Variants in C6orf163 observed in about 807,000 individuals in gnomAD.
C6orf163 encodes uncharacterized protein C6orf163.
A neutral mutation model predicts 28.4 loss-of-function variants in C6orf163; 22 were observed. The observed-to-expected ratio is 0.78, with a 90% CI of 0.55 to 1.11. The LOEUF (loss-of-function observed/expected upper bound fraction) is 1.11. C6orf163 is among the 50% of genes least tolerant of loss of function. The pLI is 0.00. For missense variants in C6orf163, 342 were observed against 389.1 expected (o/e 0.88, Z 1.02); for synonymous variants, 110 against 123.6 (o/e 0.89, Z 0.73).
At chr6:87,347,392 A>G (rs1290093136) in intron 1 of C6orf163, 2 of 985,036 alleles carry the variant, frequency 2.0e-6, no homozygotes, top group Non-Finnish European at 1.2e-6. Context: ...AATGGGATTT[A>G]AACATAAAAG....
chr6:87,358,141 G>T (rs1777533541), intron 4 of C6orf163: 1 of 152,178 alleles, frequency 6.6e-6, no homozygotes, highest in South Asian at 2.1e-4. Context: ...CCACTGTTGA[G>T]AATTCTATGC....
intron 4 of C6orf163, among the ~76,000 whole-genome samples, chr6:87,360,058 A>G (rs1353955666): frequency 6.6e-6 from 1 of 152,120 alleles, no homozygotes; most frequent in Non-Finnish European, 1.5e-5. Context: ...TCTACTTGTC[A>G]TGTTCTTCCT....
chr6:87,356,982 G>A (rs915831456), intron 4 of C6orf163: 1 of 154,276 alleles, frequency 6.5e-6, no homozygotes, highest in African/African-American at 2.4e-5. Context: ...TTCTTATTAT[G>A]CAAGTAATAT....
chr6:87,359,569 A>C (rs1377740908), intron 4 of C6orf163, among the ~76,000 whole-genome samples: 1 of 152,242 alleles, frequency 6.6e-6, no homozygotes, highest in African/African-American at 2.4e-5. Context: ...CTATAGTTCT[A>C]ATGAAAAGTA....
chr6:87,356,120 G>T (rs1777498050), intron 3 of C6orf163, 181 bp from the exon 4 acceptor site: 2 of 566,010 alleles, frequency 3.5e-6, no homozygotes, highest in South Asian at 2.5e-5. Flanking sequence ...TACATTTTTG[G>T]TTCACCTAAC....
intron 3 of C6orf163, among the ~76,000 whole-genome samples, chr6:87,353,735 T>C (rs571501104): frequency 6.6e-6 from 1 of 152,320 alleles, no homozygotes; most frequent in Non-Finnish European, 1.5e-5. Context: ...TAAAGGCCTC[T>C]GACTACAAGA....
intron 3 of C6orf163, among the ~76,000 whole-genome samples, chr6:87,351,480 C>G (rs1401461565): frequency 6.6e-6 from 1 of 152,238 alleles, no homozygotes; most frequent in African/African-American, 2.4e-5. Flanking sequence ...GAGCTCCTCC[C>G]CATGAGTCCT....
intron 1 of C6orf163, among the ~76,000 whole-genome samples, chr6:87,345,933 A>T (rs867602178): frequency 1.3e-5 from 2 of 150,428 alleles, no homozygotes; most frequent in African/African-American, 4.9e-5. Context: ...AAAAAAAAAA[A>T]AAAAAAATTT....
At chr6:87,348,592 G>A in intron 1 of C6orf163, 1 of 1,314,638 alleles carries the variant, frequency 7.6e-7, no homozygotes, top group Non-Finnish European at 9.7e-7. Context: ...GGTGTGATGA[G>A]GGGAATGACC....
At chr6:87,356,576 A>G in intron 4 of C6orf163, 73 bp downstream of exon 4, 28 of 1,386,698 alleles carry the variant, frequency 2.0e-5, no homozygotes, top group Non-Finnish European at 2.8e-5. Flanking sequence ...AGATAAGGTT[A>G]CAGTACATAG....
intron 1 of C6orf163, chr6:87,348,340 A>T (rs1009128073): frequency 4.1e-6 from 4 of 987,178 alleles, no homozygotes; most frequent in Non-Finnish European, 4.8e-6. Flanking sequence ...AGCTCACTCC[A>T]TACTGAAGCA....
rs1480376037 is a variant in C6orf163 at position 87,345,137 on chromosome 6, G to A, written c.38G>A (p.Cys13Tyr). Reference protein sequence around the residue: ...RNSDYKNFVCCAVCNKIIPPA... With the variant: ...RNSDYKNFVCYAVCNKIIPPA... ...TCAGATTACAAAAACTTTGTTTGCT[G>A]TGCTGTTTGTAATAAAATAATTCCA... The change falls in exon 1 of 5, where the codon TGT becomes TAT. Residue 13 changes from cysteine (C) to tyrosine (Y), a missense_variant. By Grantham distance (194) the Cys-to-Tyr change is radical (BLOSUM62 -2). Coordinates refer to ENST00000388923, the MANE Select transcript of C6orf163 (RefSeq NM_001010868.3). 6.5e-7 allele frequency: 1 copy of A among 1,535,524 alleles called. No homozygotes were observed. The highest frequency in any genetic ancestry group is 8.7e-7 in the Non-Finnish European group (1 of 1,146,352).
chr6:87,363,150 G>T (rs1175713774), intron 4 of C6orf163, among the ~76,000 whole-genome samples: 2 of 152,052 alleles, frequency 1.3e-5, no homozygotes, highest in Non-Finnish European at 2.9e-5. Flanking sequence ...TCATTAACCT[G>T]CTTGGACATG....
intron 3 of C6orf163, among the ~76,000 whole-genome samples, chr6:87,350,922 A>T (rs1205612141): frequency 6.6e-6 from 1 of 152,170 alleles, no homozygotes; most frequent in African/African-American, 2.4e-5. Context: ...CAATTCCCTG[A>T]CTTAGTAGGT....
intron 1 of C6orf163, chr6:87,348,215 A>G (rs1777357746): frequency 1.0e-6 from 1 of 984,240 alleles, no homozygotes; most frequent in Non-Finnish European, 1.2e-6. Flanking sequence ...GTGGTCCTCT[A>G]GCCTCTCTAG....
In C6orf163 at chr6:87,356,475, G is replaced by A. The variant is rs1244387542; in HGVS notation, c.526G>A (p.Ala176Thr). 11 of 1,551,494 alleles carry A rather than the reference G, an allele frequency of 7.1e-6. No homozygotes were observed. The East Asian group carries it at 1.2e-4, about 17-fold the overall frequency. Reference sequence around the variant, plus strand: ...AGCCAGGGCTGAAGAAAGACACATCGCCCAGGAAGCAATCCAGGCCCAGAA... The same window carrying A: ...AGCCAGGGCTGAAGAAAGACACATCACCCAGGAAGCAATCCAGGCCCAGAA... ...EKARAEERHI[A>T]QEAIQAQKSK... Residue 176 changes from alanine (A) to threonine (T), a missense_variant, in exon 4 of 5, where the codon GCC becomes ACC. Ala to Thr is a moderately conservative substitution (Grantham distance 58). Transcript: ENST00000388923.
intron 1 of C6orf163, among the ~76,000 whole-genome samples, chr6:87,346,386 G>C (rs544107383): frequency 6.2e-4 from 94 of 152,266 alleles, no homozygotes; most frequent in African/African-American, 2.2e-3. Flanking sequence ...GATTCATTAT[G>C]ATCTCTAAAG....
chr6:87,347,950 G>A (rs950913188), intron 1 of C6orf163: 1 of 809,216 alleles, frequency 1.2e-6, no homozygotes, highest in Non-Finnish European at 1.5e-6. Context: ...GAGGTCAAGA[G>A]TTCGAGACCA....
intron 4 of C6orf163, chr6:87,357,091 G>C (rs780259006): frequency 2.6e-5 from 4 of 153,908 alleles, no homozygotes. Context: ...CCCAGAGACA[G>C]TTATTTTAAA....
Sources: gnomAD v4.1 joint callset for allele counts (sites outside exome capture counted in the v4.1 genomes callset) on GRCh38, gnomAD v4.1.1 for gene constraint, MANE v1.5 for transcripts, NCBI Gene and HGNC (gene_info 2026-07-23, HGNC 2026-07-21) for gene names.